Variants in GRIK1 observed in about 807,000 individuals in gnomAD.
GRIK1 encodes glutamate ionotropic receptor kainate type subunit 1.
Under a neutral mutation model 105.7 loss-of-function variants are expected in GRIK1, and 69 were observed. The observed-to-expected ratio is 0.65, with a 90% CI of 0.54 to 0.80. The LOEUF (loss-of-function observed/expected upper bound fraction) is 0.80. GRIK1 is among the 30% of genes least tolerant of loss of function. The pLI is 0.00. For missense variants in GRIK1, 1,109 were observed against 1,167.3 expected (o/e 0.95, Z 0.73); for synonymous variants, 438 against 431.3 (o/e 1.02, Z -0.19).
chr21:29,796,777 C>T (rs1048750858), intron 1 of GRIK1, among the ~76,000 whole-genome samples: 19 of 151,964 alleles, frequency 1.3e-4, no homozygotes, highest in African/African-American at 4.6e-4. Context: ...GGTGAAACCC[C>T]ATCTCTACTA....
intron 7 of GRIK1, among the ~76,000 whole-genome samples, chr21:29,599,858 C>T (rs112132374): frequency 0.012 from 1,890 of 152,212 alleles, 43 homozygotes; most frequent in African/African-American, 0.043. Context: ...CCCAGCACTT[C>T]GGGATGCCGA....
At chr21:29,692,285 C>T (rs2063598450) in intron 2 of GRIK1, among the ~76,000 whole-genome samples, 1 of 152,072 alleles carries the variant, frequency 6.6e-6, no homozygotes, top group South Asian at 2.1e-4. Context: ...TGGCTTTCTA[C>T]AGTATTTGCT....
intron 1 of GRIK1, among the ~76,000 whole-genome samples, chr21:29,883,753 T>G (rs1185562207): frequency 6.6e-6 from 1 of 152,010 alleles, no homozygotes; most frequent in Admixed American, 6.6e-5. Flanking sequence ...ATGTGTTTTT[T>G]CTCAAAGTCC....
In GRIK1 at chr21:29,741,644, G is replaced by A. The variant is rs566848350; in HGVS notation, c.119-47581C>T. On this transcript the variant is annotated intron_variant, in intron 1 of 17. Coordinates refer to ENST00000327783, the MANE Select transcript of GRIK1 (RefSeq NM_001330994.2). ...ACTAGAAGACACATATTTCTTGAAG[G>A]ATACATCTTGATATATGAATTTATA... Among the ~76,000 whole-genome samples, 123 of 152,314 alleles carry A rather than the reference G, an allele frequency of 8.1e-4. 1 individual carries two copies. Among genetic ancestry groups the A allele is most frequent in the African/African-American group, 2.7e-3 (111 of 41,570 alleles).
chr21:29,930,801 G>A (rs1248731294), intron 1 of GRIK1, among the ~76,000 whole-genome samples: 1 of 152,130 alleles, frequency 6.6e-6, no homozygotes, highest in Non-Finnish European at 1.5e-5. Context: ...TTTCTTCAAT[G>A]ATTTTTTCAA....
At chr21:29,719,170 G>A (rs904053045) in intron 1 of GRIK1, among the ~76,000 whole-genome samples, 2 of 148,564 alleles carry the variant, frequency 1.3e-5, no homozygotes, top group South Asian at 2.1e-4. Context: ...TTATATATAT[G>A]TACTACTTTA....
chr21:29,594,209 G>T (rs2061370738), intron 9 of GRIK1, among the ~76,000 whole-genome samples: 1 of 151,260 alleles, frequency 6.6e-6, no homozygotes, highest in East Asian at 1.9e-4. Flanking sequence ...GTGTGTGTAT[G>T]TGCACGCATG....
chr21:29,857,612 A>G (rs1401809020), intron 1 of GRIK1, among the ~76,000 whole-genome samples: 1 of 150,662 alleles, frequency 6.6e-6, no homozygotes, highest in Admixed American at 6.6e-5. Flanking sequence ...CTTCTACCCA[A>G]CAATAAATAA....
At chr21:29,545,990 C>T (rs1251897987) in intron 16 of GRIK1, among the ~76,000 whole-genome samples, 1 of 152,290 alleles carries the variant, frequency 6.6e-6, no homozygotes, top group Admixed American at 6.5e-5. Context: ...TCTCTTCTTT[C>T]CAAGGGTCAG....
intron 1 of GRIK1, among the ~76,000 whole-genome samples, chr21:29,859,851 T>A (rs2068583165): frequency 6.6e-6 from 1 of 152,230 alleles, no homozygotes; most frequent in Non-Finnish European, 1.5e-5. Flanking sequence ...AGGCAGGTAT[T>A]GTAACTTTTG....
At chr21:29,560,455 C>T (rs2090421261) in intron 15 of GRIK1, among the ~76,000 whole-genome samples, 1 of 127,256 alleles carries the variant, frequency 7.9e-6, no homozygotes, top group Admixed American at 8.0e-5. Flanking sequence ...TTCTCCCTTT[C>T]TTTCCTTCCT....
At chr21:29,775,821 C>T (rs111584119) in intron 1 of GRIK1, among the ~76,000 whole-genome samples, 2,342 of 152,294 alleles carry the variant, frequency 0.015, 62 homozygotes, top group African/African-American at 0.054. Context: ...GAACAGACTT[C>T]CTTTTTAGAT....
At chr21:29,561,299 G>A (rs191331527) in intron 15 of GRIK1, among the ~76,000 whole-genome samples, 3 of 152,258 alleles carry the variant, frequency 2.0e-5, no homozygotes, top group Non-Finnish European at 4.4e-5. Flanking sequence ...GCATATATGG[G>A]TATTGAAGGA....
At chr21:29,730,057 G>A (rs1403553167) in intron 1 of GRIK1, among the ~76,000 whole-genome samples, 2 of 152,186 alleles carry the variant, frequency 1.3e-5, no homozygotes, top group Non-Finnish European at 2.9e-5. Context: ...TACTTTAAAT[G>A]TGGTCCCCTT....
chr21:29,932,307 T>A (rs1482628375), intron 1 of GRIK1, among the ~76,000 whole-genome samples: 1 of 152,182 alleles, frequency 6.6e-6, no homozygotes, highest in African/African-American at 2.4e-5. Context: ...GCCAGTAGTT[T>A]ACTTATTATT....
Position 29,764,934 on chromosome 21 carries a change from C to T in GRIK1, c.119-70871G>A, listed in dbSNP as rs1055811705. Among the ~76,000 whole-genome samples the T allele has an allele frequency of 2.0e-5, 3 of 152,132 alleles. No individual in the cohort carries two copies. In the South Asian group the frequency reaches 6.2e-4, roughly 32 times the overall value. ...ACTTAGGGCTTTCAGTCTTCAATTCCCAGACTATTTATAAAATGCATTCCA... is the reference window on the plus strand; with the variant it reads ...ACTTAGGGCTTTCAGTCTTCAATTCTCAGACTATTTATAAAATGCATTCCA... On this transcript the variant is annotated intron_variant, in intron 1 of 17. Transcript: ENST00000327783.
At chr21:29,549,842 T>A (rs77519150) in intron 16 of GRIK1, among the ~76,000 whole-genome samples, 8,882 of 151,804 alleles carry the variant, frequency 0.059, 307 homozygotes, top group Admixed American at 0.12. Flanking sequence ...CGCGGAGGCT[T>A]ATGGCTGTAA....
intron 1 of GRIK1, among the ~76,000 whole-genome samples, chr21:29,698,467 A>C (rs1257314044): frequency 6.6e-6 from 1 of 152,232 alleles, no homozygotes; most frequent in East Asian, 1.9e-4. Flanking sequence ...TCATTCTGCT[A>C]TAATTCTTGA....
At chr21:29,767,338 T>C (rs1480538544) in intron 1 of GRIK1, among the ~76,000 whole-genome samples, 1 of 152,226 alleles carries the variant, frequency 6.6e-6, no homozygotes, top group Non-Finnish European at 1.5e-5. Context: ...CATTACAGCC[T>C]CTTAATGGGA....
Sources: allele counts gnomAD v4.1 joint callset (sites outside exome capture counted in the v4.1 genomes callset), GRCh38; gene constraint gnomAD v4.1.1; transcripts MANE v1.5; gene names NCBI Gene and HGNC (gene_info 2026-07-23, HGNC 2026-07-21).